ROBO2: variants seen among roughly 807,000 people sequenced by gnomAD.
ROBO2 encodes the protein roundabout homolog 2.
ROBO2 carries 53 observed loss-of-function variants against 160.8 expected under a neutral mutation model. The observed-to-expected ratio is 0.33, with a 90% CI of 0.26 to 0.41. ROBO2 has a LOEUF of 0.41. ROBO2 is among the 10% of genes least tolerant of loss of function. ROBO2 has a pLI of 1.00. For missense variants in ROBO2, 1,577 were observed against 1,722.4 expected, an observed-to-expected ratio of 0.92 and a Z score of 1.49; for synonymous variants, 664 against 611.7, an observed-to-expected ratio of 1.09 and a Z score of -1.26.
At chr3:77,240,351 G>C (rs188891078) in intron 2 of ROBO2, among the ~76,000 whole-genome samples, 2 of 152,272 alleles carry the variant, frequency 1.3e-5, no homozygotes, top group East Asian at 3.9e-4. Flanking sequence ...CTCACTGCCC[G>C]GAGCCGTCAG....
chr3:77,040,729 CT>C, exon 1 of ROBO2: 1 of 1,612,958 alleles, frequency 6.2e-7, no homozygotes, highest in South Asian at 1.1e-5. Flanking sequence ...CATTTTTGTA[CT>C]TTTGCTCTCT....
At chr3:76,120,810 A>G (rs1281495041) in intron 2 of ROBO2, among the ~76,000 whole-genome samples, 2 of 152,086 alleles carry the variant, frequency 1.3e-5, no homozygotes, top group Non-Finnish European at 2.9e-5. Flanking sequence ...CCCCTGAAAA[A>G]CTTCTATAAA....
chr3:77,506,772 T>C (rs766192384), intron 5 of ROBO2, among the ~76,000 whole-genome samples: 67 of 152,170 alleles, frequency 4.4e-4, no homozygotes, highest in Admixed American at 2.0e-4. Flanking sequence ...TTTTATGTAA[T>C]TTTTATTTTT....
intron 2 of ROBO2, among the ~76,000 whole-genome samples, chr3:76,857,187 G>A (rs190387895): frequency 1.3e-5 from 2 of 152,006 alleles, no homozygotes; most frequent in Admixed American, 1.3e-4. Flanking sequence ...GGGTTTCACC[G>A]TGTTAGCCAG....
intron 2 of ROBO2, among the ~76,000 whole-genome samples, chr3:76,048,381 A>T (rs2067521005): frequency 6.6e-6 from 1 of 152,218 alleles, no homozygotes; most frequent in African/African-American, 2.4e-5. Context: ...TTTTTCCTGC[A>T]GTGACAGGAA....
At chr3:76,208,695 G>A (rs369710531) in intron 2 of ROBO2, among the ~76,000 whole-genome samples, 16 of 152,036 alleles carry the variant, frequency 1.1e-4, no homozygotes, top group Non-Finnish European at 2.1e-4. Flanking sequence ...CTGTGTAAAA[G>A]CACACACTTT....
chr3:77,562,518 A>C, intron 9 of ROBO2, 133 bp from the exon 11 acceptor site: 1 of 646,024 alleles, frequency 1.5e-6, no homozygotes, highest in African/African-American at 1.8e-5. Flanking sequence ...CATATGATTG[A>C]CTCTAATGCA....
chr3:77,073,865 G>A (rs2067666255), intron 1 of ROBO2, among the ~76,000 whole-genome samples: 1 of 152,194 alleles, frequency 6.6e-6, no homozygotes, highest in Admixed American at 6.5e-5. Flanking sequence ...GTGGAATTAT[G>A]CAGAGTAGTG....
intron 1 of ROBO2, among the ~76,000 whole-genome samples, chr3:77,083,965 T>A (rs2068973098): frequency 6.6e-6 from 1 of 151,988 alleles, no homozygotes; most frequent in African/African-American, 2.4e-5. Flanking sequence ...CTGAACACCA[T>A]GAGAGGGAAT....
rs1014014427 is a variant in ROBO2, at chr3:77,225,805, A to C, written c.388+127465A>C. Among the ~76,000 whole-genome samples the C allele has an allele frequency of 5.9e-5, 9 of 152,150 alleles. No individual in the cohort carries two copies. The East Asian group carries it at 1.5e-3, about 26-fold the overall frequency. The stretch of plus-strand genomic sequence containing the variant: ...TTGCAAGCTTATAATAATGTTTAAA[A>C]GCCACAAACATTGAAGTAAAATTCA... On this transcript the variant is annotated intron_variant, in intron 2 of 25. Transcript: ENST00000461745.
At chr3:77,548,018 C>T (rs1200812536) in intron 7 of ROBO2, among the ~76,000 whole-genome samples, 1 of 150,692 alleles carries the variant, frequency 6.6e-6, no homozygotes, top group Non-Finnish European at 1.5e-5. Flanking sequence ...CACACACATA[C>T]CACACACATA....
chr3:77,254,692 G>A (rs769193492), intron 2 of ROBO2, among the ~76,000 whole-genome samples: 2 of 152,132 alleles, frequency 1.3e-5, no homozygotes, highest in Non-Finnish European at 2.9e-5. Flanking sequence ...AGAAGTTAAA[G>A]CGATTCTGAT....
At chr3:76,784,371 T>A (rs186311362) in intron 2 of ROBO2, among the ~76,000 whole-genome samples, 1 of 151,192 alleles carries the variant, frequency 6.6e-6, no homozygotes, top group African/African-American at 2.4e-5. Context: ...GAGGATGTCT[T>A]GGGATTGTGT....
At chr3:76,518,464 G>A (rs1399650777) in intron 2 of ROBO2, among the ~76,000 whole-genome samples, 1 of 152,030 alleles carries the variant, frequency 6.6e-6, no homozygotes, top group Admixed American at 6.6e-5. Flanking sequence ...CCTCCCAGCT[G>A]GGTCAAGTCT....
intron 2 of ROBO2, among the ~76,000 whole-genome samples, chr3:76,254,816 T>A (rs979484295): frequency 6.6e-6 from 1 of 151,956 alleles, no homozygotes; most frequent in Non-Finnish European, 1.5e-5. Context: ...TCGATCAATA[T>A]CCTGGTTGTA....
intron 2 of ROBO2, among the ~76,000 whole-genome samples, chr3:76,769,099 C>T (rs1394737434): frequency 6.6e-6 from 1 of 151,390 alleles, no homozygotes; most frequent in Non-Finnish European, 1.5e-5. Flanking sequence ...TAGACTGCTA[C>T]GTGGCAACAC....
chr3:77,050,035 G>A (rs539174813), intron 1 of ROBO2, among the ~76,000 whole-genome samples: 7 of 152,150 alleles, frequency 4.6e-5, no homozygotes, highest in Admixed American at 1.3e-4. Context: ...TTTATAATAC[G>A]TATATTTCCA....
chr3:77,624,436 A>C (rs2153707538), intron 23 of ROBO2, among the ~76,000 whole-genome samples: 1 of 150,888 alleles, frequency 6.6e-6, no homozygotes, highest in Admixed American at 6.6e-5. Flanking sequence ...TAAGGTTGTA[A>C]GTGTGATATA....
chr3:76,325,599 A>G (rs977669696), intron 2 of ROBO2, among the ~76,000 whole-genome samples: 2 of 152,138 alleles, frequency 1.3e-5, no homozygotes, highest in African/African-American at 4.8e-5. Context: ...ATTTGTTTGC[A>G]TTTTAATCAG....
Sources: gnomAD v4.1 joint callset for allele counts (sites outside exome capture counted in the v4.1 genomes callset) on GRCh38, gnomAD v4.1.1 for gene constraint, MANE v1.5 for transcripts, NCBI Gene and HGNC (gene_info 2026-07-23, HGNC 2026-07-21) for gene names.